Variants in ROR2 observed in about 807,000 individuals in gnomAD.
ROR2 encodes the protein ROR family WNT receptor 2.
A neutral mutation model predicts 74.9 loss-of-function variants in ROR2; 33 were observed. The observed-to-expected ratio is 0.44, with a 90% CI of 0.33 to 0.59. ROR2 has a LOEUF of 0.59. Ranked by LOEUF, ROR2 falls within the 20% of genes least tolerant of loss-of-function variation. The probability of loss-of-function intolerance (pLI) is 0.02; values close to 1 mark genes in which losing one functional copy is unlikely to be tolerated. For synonymous variants in ROR2, 586 were observed against 558.7 expected, an observed-to-expected ratio of 1.05 and a Z score of -0.69; for missense variants, 1,216 against 1,313.8, an observed-to-expected ratio of 0.93 and a Z score of 1.15.
chr9:91,837,019 G>T (rs540953537), intron 1 of ROR2, among the ~76,000 whole-genome samples: 21 of 152,222 alleles, frequency 1.4e-4, no homozygotes, highest in African/African-American at 4.8e-4. Context: ...ATCATCACAA[G>T]AAAATAAAAT....
chr9:91,836,539 C>CAAAAAAAAAAAAAAAAAA (rs753563302), intron 1 of ROR2, among the ~76,000 whole-genome samples: 1 of 102,480 alleles, frequency 9.8e-6, no homozygotes, highest in African/African-American at 3.3e-5. Flanking sequence ...GATTCCATCT[C>CAAAAAAAAAAAAAAAAAA]AAAAAAAAAA....
At chr9:91,798,414 TC>T (rs1428236034) in intron 1 of ROR2, among the ~76,000 whole-genome samples, 1 of 98,282 alleles carries the variant, frequency 1.0e-5, no homozygotes. Flanking sequence ...CACCCTGGGC[TC>T]TGTGGGTGGG....
chr9:91,749,673 C>T (rs1318194683), intron 4 of ROR2, among the ~76,000 whole-genome samples: 1 of 152,056 alleles, frequency 6.6e-6, no homozygotes, highest in Non-Finnish European at 1.5e-5. Context: ...TATAAGCAGA[C>T]CCCCATCTAT....
Position 91,736,314 on chromosome 9 carries a change from T to C in ROR2, c.622+1077A>G, listed in dbSNP as rs368422485. Among the ~76,000 whole-genome samples, 135 of 152,322 alleles carry C rather than the reference T, an allele frequency of 8.9e-4. 6 individuals carry two copies. The South Asian group carries it at 0.024, about 27-fold the overall frequency. On this transcript the variant is annotated intron_variant, in intron 5 of 8. Coordinates refer to ENST00000375708, the MANE Select transcript of ROR2 (RefSeq NM_004560.4). ...TGTGACCGTGAATGTGATGTTCGAC[T>C]CTCTAGTCCGAGGGTGACCTGAACT...
At chr9:91,941,984 T>C (rs1288690242) in intron 1 of ROR2, among the ~76,000 whole-genome samples, 1 of 151,964 alleles carries the variant, frequency 6.6e-6, no homozygotes, top group African/African-American at 2.4e-5. Flanking sequence ...GAGGACGAGG[T>C]TTCACCATGT....
chr9:91,897,555 T>C (rs1193868447), intron 1 of ROR2, among the ~76,000 whole-genome samples: 2 of 145,976 alleles, frequency 1.4e-5, no homozygotes. Flanking sequence ...AAGAACAGGA[T>C]TTGGAAGTGG....
chr9:91,767,648 G>A (rs771144188), intron 2 of ROR2, among the ~76,000 whole-genome samples: 5 of 152,226 alleles, frequency 3.3e-5, no homozygotes, highest in Non-Finnish European at 5.9e-5. Context: ...TAATAAATCC[G>A]TTGCGGGTGT....
rs372453275 is a variant in ROR2, at chr9:91,724,731, T to A, written c.1763A>T (p.Glu588Val). 4.3e-6 allele frequency: 7 copies of A among 1,613,972 alleles called. No homozygotes were observed. In the East Asian group the frequency reaches 1.3e-4, roughly 31 times the overall value. ...CACAAGGTGCACGAAGTCGGGGGGCTCCAGGGCGGACTTCACCGTGCGGTC... is the reference window on the plus strand; with the variant it reads ...CACAAGGTGCACGAAGTCGGGGGGCACCAGGGCGGACTTCACCGTGCGGTC... Reference protein sequence around the residue: ...DDDRTVKSALEPPDFVHLVAQ... With the variant: ...DDDRTVKSALVPPDFVHLVAQ... The change falls in exon 9 of 9, where the codon GAG becomes GTG. Residue 588 changes from glutamate to valine, a missense_variant. Physicochemically the swap from Glu to Val is moderately radical, Grantham distance 121. Transcript: ENST00000375708.
At chr9:91,893,608 C>T (rs185018010) in intron 1 of ROR2, among the ~76,000 whole-genome samples, 1 of 152,284 alleles carries the variant, frequency 6.6e-6, no homozygotes, top group Admixed American at 6.5e-5. Context: ...ATGTTTTGCA[C>T]CTCTAATCCC....
intron 1 of ROR2, among the ~76,000 whole-genome samples, chr9:91,920,222 G>A (rs994336934): frequency 3.9e-5 from 6 of 152,132 alleles, no homozygotes; most frequent in African/African-American, 9.7e-5. Context: ...GAATAAACAC[G>A]ATGGCCGGGC....
chr9:91,785,793 G>A (rs1474975189), intron 1 of ROR2, among the ~76,000 whole-genome samples: 1 of 152,168 alleles, frequency 6.6e-6, no homozygotes, highest in South Asian at 2.1e-4. Context: ...GCACTGACCT[G>A]CTCCACTGGC....
chr9:91,748,418 A>G (rs62563404), intron 4 of ROR2, among the ~76,000 whole-genome samples: 2,532 of 152,370 alleles, frequency 0.017, 21 homozygotes, highest in African/African-American at 0.019. Flanking sequence ...CGTGTTGTAC[A>G]CTGGAATATA....
intron 4 of ROR2, among the ~76,000 whole-genome samples, chr9:91,746,870 G>A (rs1484662714): frequency 2.0e-5 from 3 of 151,920 alleles, no homozygotes; most frequent in Non-Finnish European, 4.4e-5. Flanking sequence ...GTGTGTGTGT[G>A]TGTGTGTGTG....
chr9:91,879,431 G>C (rs1252487680), intron 1 of ROR2, among the ~76,000 whole-genome samples: 2 of 147,534 alleles, frequency 1.4e-5, no homozygotes, highest in Non-Finnish European at 3.0e-5. Context: ...TGGGTGTGTG[G>C]GTGTGGGGGG....
intron 1 of ROR2, among the ~76,000 whole-genome samples, chr9:91,835,612 CAGG>C (rs1286000150): frequency 6.6e-6 from 1 of 152,216 alleles, no homozygotes; most frequent in Non-Finnish European, 1.5e-5. Flanking sequence ...GCAGTAAACT[CAGG>C]AGCCTGCAGC....
In ROR2 at chr9:91,786,348, CAATAAGTA is replaced by C. The variant is rs773512001; in HGVS notation, c.98-10538_98-10531del. ...TCAATCAATCAATCAATCAATCAAT[CAATAAGTA>C]AATAAATAAATAAATAAATAAATAA... On this transcript the variant is annotated intron_variant, in intron 1 of 8. Transcript: ENST00000375708. Among the ~76,000 whole-genome samples, 750 of 90,680 alleles carry C rather than the reference CAATAAGTA, an allele frequency of 8.3e-3. 4 individuals carry two copies. Among genetic ancestry groups the C allele is most frequent in the Middle Eastern group, 0.014 (3 of 216 alleles). 59.5% of individuals were successfully genotyped at this position (90,680 alleles called of 152,430 possible).
intron 1 of ROR2, among the ~76,000 whole-genome samples, chr9:91,780,341 T>G (rs1826570377): frequency 6.7e-6 from 1 of 150,010 alleles, no homozygotes; most frequent in Admixed American, 6.7e-5. Context: ...CACGCCACAC[T>G]ACTCCAGCCT....
chr9:91,723,521 C>G lies in ROR2; in HGVS notation c.*141G>C. 2.3e-6 allele frequency: 3 copies of G among 1,296,116 alleles called. No homozygotes were observed. The highest frequency in any genetic ancestry group is 2.1e-6 in the Non-Finnish European group (2 of 942,498). 80.3% of individuals were successfully genotyped at this position (1,296,116 alleles called of 1,614,324 possible). Reference sequence around the variant, plus strand: ...TCAGAGGACAGAGAGGAGCAGGGCTCCACCTCACCCAGTCTGCAAACAAGC... The same window carrying G: ...TCAGAGGACAGAGAGGAGCAGGGCTGCACCTCACCCAGTCTGCAAACAAGC... On this transcript the variant is annotated 3_prime_UTR_variant, in exon 9 of 9. Transcript: ENST00000375708.
chr9:91,859,197 CT>C lies in ROR2; in HGVS notation c.98-83380del, dbSNP rs541283275. The stretch of plus-strand genomic sequence containing the variant: ...CAAGAAGGACCATCTGAAAGTATTC[CT>C]TTTTTTTTTTTTTTTTTTTTTGAGA... On this transcript the variant is annotated intron_variant, in intron 1 of 8. Coordinates refer to ENST00000375708, the MANE Select transcript of ROR2 (RefSeq NM_004560.4). Among the ~76,000 whole-genome samples the C allele has an allele frequency of 5.8e-3, 700 of 121,274 alleles. 1 individual carries two copies. Among genetic ancestry groups the C allele is most frequent in the Middle Eastern group, 0.011 (2 of 178 alleles). 79.6% of individuals were successfully genotyped at this position (121,274 alleles called of 152,430 possible).
Sources: allele counts gnomAD v4.1 joint callset (sites outside exome capture counted in the v4.1 genomes callset), GRCh38; gene constraint gnomAD v4.1.1; transcripts MANE v1.5; gene names NCBI Gene and HGNC (gene_info 2026-07-23, HGNC 2026-07-21).